The following DLGAP2 variants were observed in gnomAD, a reference collection of about 807,000 sequenced individuals.
DLGAP2 encodes disks large-associated protein 2.
Under a neutral mutation model 100.3 loss-of-function variants are expected in DLGAP2, and 26 were observed. That is an observed-to-expected ratio of 0.26 (90% CI 0.19 to 0.36). The LOEUF (loss-of-function observed/expected upper bound fraction) is 0.36, where lower values mean the gene tolerates loss of function less well. Among genes scored for constraint, DLGAP2 ranks in the 10% least tolerant of loss-of-function variants. The pLI is 1.00. For missense variants in DLGAP2, 1,858 were observed against 1,453.2 expected (o/e 1.28, Z -4.53); for synonymous variants, 886 against 630.1 (o/e 1.41, Z -6.08).
chr8:1,025,604 G>A (rs1473474341), intron 2 of DLGAP2, among the ~76,000 whole-genome samples: 1 of 152,204 alleles, frequency 6.6e-6, no homozygotes, highest in East Asian at 1.9e-4. Flanking sequence ...CGGTGAGGAT[G>A]AGCGATGCCT....
intron 1 of DLGAP2, among the ~76,000 whole-genome samples, chr8:769,188 G>T (rs1821293143): frequency 6.6e-6 from 1 of 152,144 alleles, no homozygotes; most frequent in Non-Finnish European, 1.5e-5. Context: ...ATGATAAACA[G>T]AAGCATTTCA....
chr8:1,650,167 C>T (rs1004697232), intron 8 of DLGAP2, among the ~76,000 whole-genome samples: 9 of 152,124 alleles, frequency 5.9e-5, no homozygotes, highest in Non-Finnish European at 1.2e-4. Context: ...ATAACCATTT[C>T]GATCAATTAC....
chr8:1,046,962 GT>G lies in DLGAP2; in HGVS notation c.73+139004del, dbSNP rs11368371. On this transcript the variant is annotated intron_variant, in intron 2 of 14. Transcript: ENST00000637795. Reference sequence around the variant, plus strand: ...TTTTGTTGTTTTATTAAAATAATAGGTTTTTTTTAATAATACAGCTTTATTG... The same window carrying G: ...TTTTGTTGTTTTATTAAAATAATAGGTTTTTTTAATAATACAGCTTTATTG... Among the ~76,000 whole-genome samples the G allele has an allele frequency of 2.6e-5, 4 of 151,666 alleles. No homozygotes were observed. The East Asian group carries it at 5.8e-4, about 22-fold the overall frequency.
At chr8:1,156,604 T>C (rs60361901) in intron 2 of DLGAP2, among the ~76,000 whole-genome samples, 1,016 of 22,602 alleles carry the variant, frequency 0.045, 15 homozygotes, top group African/African-American at 0.14. Flanking sequence ...CGCCCCAGCC[T>C]AGCGTCCCAG....
At chr8:974,647 C>G (rs1800117425) in intron 2 of DLGAP2, among the ~76,000 whole-genome samples, 1 of 152,124 alleles carries the variant, frequency 6.6e-6, no homozygotes, top group Non-Finnish European at 1.5e-5. Context: ...TTCTAAATAA[C>G]ACATTCGTCA....
At chr8:1,311,077 A>C (rs1800603351) in intron 3 of DLGAP2, among the ~76,000 whole-genome samples, 1 of 152,200 alleles carries the variant, frequency 6.6e-6, no homozygotes, top group Non-Finnish European at 1.5e-5. Context: ...TAAACAACTA[A>C]AATTGGAAAG....
At chr8:1,440,007 G>A (rs1045602508) in intron 3 of DLGAP2, among the ~76,000 whole-genome samples, 1 of 152,194 alleles carries the variant, frequency 6.6e-6, no homozygotes, top group African/African-American at 2.4e-5. Context: ...ACTCTAGTAA[G>A]TGATAGAGTG....
intron 1 of DLGAP2, among the ~76,000 whole-genome samples, chr8:883,730 A>G (rs191605237): frequency 0.015 from 2,223 of 151,258 alleles, 53 homozygotes; most frequent in African/African-American, 0.05. Flanking sequence ...GTTACGTAGG[A>G]GCGCGGGTGC....
Position 1,422,316 on chromosome 8 carries a change from C to G in DLGAP2, c.107-79050C>G, listed in dbSNP as rs182350876. The stretch of plus-strand genomic sequence containing the variant: ...TAGTTTTCACAATAGGGAAGAAGTG[C>G]ATTCCAGCAATTAATTATGTACCTG... On this transcript the variant is annotated intron_variant, in intron 3 of 14. Coordinates refer to ENST00000637795, the MANE Select transcript of DLGAP2 (RefSeq NM_001346810.2). 9.5e-4 allele frequency among the ~76,000 whole-genome samples: 144 copies of G among 152,242 alleles called. 1 individual carries two copies. The highest frequency in any genetic ancestry group is 3.3e-3 in the African/African-American group (138 of 41,520).
chr8:1,685,915 AC>A (rs1799102130), intron 12 of DLGAP2, among the ~76,000 whole-genome samples: 2 of 152,176 alleles, frequency 1.3e-5, no homozygotes, highest in African/African-American at 2.4e-5. Context: ...TATCACAAAG[AC>A]AAAAAAACAG....
intron 1 of DLGAP2, among the ~76,000 whole-genome samples, chr8:859,622 G>T (rs940866612): frequency 1.8e-4 from 27 of 152,180 alleles, no homozygotes; most frequent in African/African-American, 6.0e-4. Flanking sequence ...TTAGAGTCTG[G>T]GGATGAAGTC....
intron 5 of DLGAP2, among the ~76,000 whole-genome samples, chr8:1,561,536 C>T (rs1197919666): frequency 1.3e-5 from 2 of 152,172 alleles, no homozygotes; most frequent in African/African-American, 4.8e-5. Flanking sequence ...CAACCCTCTC[C>T]TCATCACAGC....
At chr8:1,308,548 G>A (rs550651322) in intron 3 of DLGAP2, among the ~76,000 whole-genome samples, 18 of 152,216 alleles carry the variant, frequency 1.2e-4, no homozygotes, top group African/African-American at 4.1e-4. Context: ...GTTTTGAGAC[G>A]TAGTTTCACT....
chr8:1,313,850 T>C (rs1323097147), intron 3 of DLGAP2, among the ~76,000 whole-genome samples: 1 of 152,130 alleles, frequency 6.6e-6, no homozygotes, highest in African/African-American at 2.4e-5. Flanking sequence ...CATCCCCCTC[T>C]CATATTCATC....
intron 8 of DLGAP2, among the ~76,000 whole-genome samples, chr8:1,664,953 ATTC>A (rs989550752): frequency 1.2e-4 from 19 of 152,328 alleles, no homozygotes; most frequent in African/African-American, 1.9e-4. Context: ...AGTGTAGTAA[ATTC>A]TTCTTTTTGT....
At chr8:1,554,169 C>T (rs1251920226) in intron 5 of DLGAP2, among the ~76,000 whole-genome samples, 1 of 152,114 alleles carries the variant, frequency 6.6e-6, no homozygotes, top group Non-Finnish European at 1.5e-5. Flanking sequence ...GTGCCTGTAG[C>T]CCCAGCTACT....
At chr8:1,267,179 C>T (rs903661692) in intron 3 of DLGAP2, among the ~76,000 whole-genome samples, 1 of 151,288 alleles carries the variant, frequency 6.6e-6, no homozygotes, top group African/African-American at 2.4e-5. Flanking sequence ...TTGCAGTGAG[C>T]CAAGATTGCA....
intron 3 of DLGAP2, among the ~76,000 whole-genome samples, chr8:1,499,241 G>T (rs753152810): frequency 6.6e-6 from 1 of 152,220 alleles, no homozygotes; most frequent in African/African-American, 2.4e-5. Flanking sequence ...GTTGCTGCTG[G>T]TGTTGTTAGC....
intron 2 of DLGAP2, among the ~76,000 whole-genome samples, chr8:1,073,451 A>G (rs1017174972): frequency 4.1e-4 from 63 of 152,234 alleles, no homozygotes; most frequent in African/African-American, 1.5e-3. Flanking sequence ...GGAAATACAG[A>G]CATGGATATG....
Sources: allele counts gnomAD v4.1 joint callset (sites outside exome capture counted in the v4.1 genomes callset), GRCh38; gene constraint gnomAD v4.1.1; transcripts MANE v1.5; gene names NCBI Gene and HGNC (gene_info 2026-07-23, HGNC 2026-07-21).